The following MYRIP variants were observed in gnomAD, a reference collection of about 807,000 sequenced individuals.
MYRIP encodes rab effector MyRIP.
In MYRIP, 49 loss-of-function variants were observed where a neutral mutation model predicts 98.0. That is an observed-to-expected ratio of 0.50 (90% CI 0.40 to 0.63). MYRIP has a LOEUF of 0.63. MYRIP is among the 30% of genes least tolerant of loss of function. The pLI, the probability that MYRIP is intolerant of heterozygous loss-of-function variation, is 0.00. For synonymous variants in MYRIP, 404 were observed against 409.5 expected (o/e 0.99, Z 0.16); for missense variants, 1,004 against 1,058.2 (o/e 0.95, Z 0.71).
intron 11 of MYRIP, among the ~76,000 whole-genome samples, chr3:40,228,675 C>T (rs549325276): frequency 6.6e-6 from 1 of 152,324 alleles, no homozygotes; most frequent in South Asian, 2.1e-4. Context: ...GAGGTGGAGA[C>T]AGGAAAATCT....
chr3:39,940,513 T>A (rs1163213011), intron 2 of MYRIP, among the ~76,000 whole-genome samples: 4 of 152,108 alleles, frequency 2.6e-5, no homozygotes, highest in Non-Finnish European at 4.4e-5. Flanking sequence ...ATAATGAGAG[T>A]ATGTTCTTAG....
intron 11 of MYRIP, among the ~76,000 whole-genome samples, chr3:40,216,115 T>C (rs986817921): frequency 6.6e-6 from 1 of 152,152 alleles, no homozygotes; most frequent in Non-Finnish European, 1.5e-5. Flanking sequence ...CTGGGAAAGA[T>C]TGCCCAGAAC....
At chr3:39,901,929 G>A (rs927766788) in intron 2 of MYRIP, among the ~76,000 whole-genome samples, 3 of 152,112 alleles carry the variant, frequency 2.0e-5, no homozygotes, top group Admixed American at 6.5e-5. Context: ...GAGGTACTCC[G>A]AGATAGAAGG....
intron 3 of MYRIP, among the ~76,000 whole-genome samples, chr3:40,050,670 A>G (rs1947776345): frequency 6.6e-6 from 1 of 152,174 alleles, no homozygotes; most frequent in African/African-American, 2.4e-5. Context: ...ACAGCCACAG[A>G]TGATTCTTCT....
chr3:40,065,879 G>C (rs1948116723), intron 3 of MYRIP, among the ~76,000 whole-genome samples: 1 of 152,098 alleles, frequency 6.6e-6, no homozygotes, highest in Non-Finnish European at 1.5e-5. Flanking sequence ...TAGATGCTTA[G>C]CAAATGTGGA....
chr3:39,853,232 T>G (rs770580579), intron 1 of MYRIP, among the ~76,000 whole-genome samples: 4 of 152,236 alleles, frequency 2.6e-5, no homozygotes, highest in Non-Finnish European at 5.9e-5. Flanking sequence ...TCAAGTGTCT[T>G]TTTTAATATA....
intron 1 of MYRIP, among the ~76,000 whole-genome samples, chr3:39,823,244 C>T (rs766442438): frequency 7.9e-5 from 12 of 152,086 alleles, no homozygotes; most frequent in Non-Finnish European, 1.6e-4. Context: ...GGTCTTCTGA[C>T]TTCAAGTGAT....
At chr3:39,947,888 A>G (rs1165744035) in intron 2 of MYRIP, among the ~76,000 whole-genome samples, 1 of 152,184 alleles carries the variant, frequency 6.6e-6, no homozygotes, top group African/African-American at 2.4e-5. Flanking sequence ...CAATTTCTCT[A>G]AATCAGTGAT....
At chr3:40,031,844 T>C (rs1003784780) in intron 2 of MYRIP, among the ~76,000 whole-genome samples, 1 of 152,190 alleles carries the variant, frequency 6.6e-6, no homozygotes, top group African/African-American at 2.4e-5. Context: ...ATCCCCTTTA[T>C]CATTTTTTAT....
chr3:40,239,177 C>T (rs916889620), intron 12 of MYRIP, among the ~76,000 whole-genome samples: 4 of 151,350 alleles, frequency 2.6e-5, no homozygotes, highest in African/African-American at 9.7e-5. Context: ...TTGTTCTTGC[C>T]ATAGTTTACT....
intron 2 of MYRIP, among the ~76,000 whole-genome samples, chr3:39,911,228 TG>T (rs1276819139): frequency 6.6e-6 from 1 of 152,218 alleles, no homozygotes; most frequent in East Asian, 1.9e-4. Context: ...GACATTCACC[TG>T]TGGGGTCTGC....
At chr3:39,909,550 A>C (rs1379832287) in intron 2 of MYRIP, among the ~76,000 whole-genome samples, 1 of 152,162 alleles carries the variant, frequency 6.6e-6, no homozygotes, top group African/African-American at 2.4e-5. Context: ...AGGCAGACTC[A>C]TGGGAATACA....
At chr3:40,060,413 T>A (rs935336259) in intron 3 of MYRIP, among the ~76,000 whole-genome samples, 1 of 150,452 alleles carries the variant, frequency 6.6e-6, no homozygotes, top group African/African-American at 2.4e-5. Flanking sequence ...TGAACTCAGA[T>A]TTTTTTTTTC....
At chr3:40,183,449 T>C (rs539839572) in intron 9 of MYRIP, among the ~76,000 whole-genome samples, 1 of 152,356 alleles carries the variant, frequency 6.6e-6, no homozygotes, top group South Asian at 2.1e-4. Flanking sequence ...TATAAAGCTG[T>C]TGAGTCACGT....
At chr3:39,898,761 A>G (rs1008663306) in intron 1 of MYRIP, among the ~76,000 whole-genome samples, 1 of 152,206 alleles carries the variant, frequency 6.6e-6, no homozygotes, top group African/African-American at 2.4e-5. Flanking sequence ...ATATGTATGT[A>G]TAAACTAGAG....
intron 3 of MYRIP, among the ~76,000 whole-genome samples, chr3:40,091,535 T>C (rs768895938): frequency 2.6e-5 from 4 of 152,228 alleles, no homozygotes; most frequent in Non-Finnish European, 4.4e-5. Context: ...AATAGTAAAT[T>C]TAATGGTCAT....
At chr3:40,161,528 C>T (rs1950395307) in intron 4 of MYRIP, among the ~76,000 whole-genome samples, 1 of 152,126 alleles carries the variant, frequency 6.6e-6, no homozygotes, top group Non-Finnish European at 1.5e-5. Context: ...TTCTCTGTTG[C>T]CTCCCCCTCC....
At chr3:39,979,592 C>A (rs964052135) in intron 2 of MYRIP, among the ~76,000 whole-genome samples, 1 of 150,666 alleles carries the variant, frequency 6.6e-6, no homozygotes, top group East Asian at 2.0e-4. Flanking sequence ...GAGCCAAGAT[C>A]GCACCATTGC....
At chr3:40,106,163 A>G (rs1949046279) in intron 3 of MYRIP, among the ~76,000 whole-genome samples, 1 of 152,152 alleles carries the variant, frequency 6.6e-6, no homozygotes. Flanking sequence ...TAATAATAAT[A>G]AAGTGAATAT....
Sources: gnomAD v4.1 joint callset for allele counts (sites outside exome capture counted in the v4.1 genomes callset) on GRCh38, gnomAD v4.1.1 for gene constraint, MANE v1.5 for transcripts, NCBI Gene and HGNC (gene_info 2026-07-23, HGNC 2026-07-21) for gene names.